SYTL2: variants seen among roughly 807,000 people sequenced by gnomAD.
SYTL2 encodes the protein synaptotagmin like 2.
In SYTL2, 165 loss-of-function variants were observed where a neutral mutation model predicts 198.7. That is an observed-to-expected ratio of 0.83 (90% CI 0.73 to 0.94). The LOEUF is 0.94. Among genes scored for constraint, SYTL2 ranks in the 40% least tolerant of loss-of-function variants. The pLI is 0.00. For synonymous variants in SYTL2, 966 were observed against 917.7 expected (o/e 1.05, Z -0.95); for missense variants, 2,835 against 2,582.8 (o/e 1.10, Z -2.12).
the SYTL2 span, among the ~76,000 whole-genome samples, chr11:85,844,003 G>A: frequency 6.6e-6 from 1 of 152,134 alleles, no homozygotes. Flanking sequence ...TGCCTCAGTG[G>A]GTAGTTCCCA....
the SYTL2 span, among the ~76,000 whole-genome samples, chr11:85,843,747 T>C: frequency 6.6e-6 from 1 of 152,206 alleles, no homozygotes; most frequent in Admixed American, 6.5e-5. Context: ...TTAACATTTA[T>C]TGAGAACCTA....
At chr11:85,770,471 C>T (rs962824556) in intron 1 of SYTL2, among the ~76,000 whole-genome samples, 2 of 152,154 alleles carry the variant, frequency 1.3e-5, no homozygotes, top group African/African-American at 4.8e-5. Flanking sequence ...TGCCTTGACT[C>T]GAAAACCTTC....
chr11:85,768,839 T>A (rs1361611972), intron 1 of SYTL2, among the ~76,000 whole-genome samples: 1 of 152,126 alleles, frequency 6.6e-6, no homozygotes, highest in Non-Finnish European at 1.5e-5. Context: ...TTCTCCTAAA[T>A]CTTTCCATCT....
intron 8 of SYTL2, among the ~76,000 whole-genome samples, chr11:85,723,181 A>G (rs1361111394): frequency 6.6e-6 from 1 of 152,206 alleles, no homozygotes; most frequent in Non-Finnish European, 1.5e-5. Flanking sequence ...GACAAGCCCT[A>G]CATTTTACAG....
chr11:85,782,372 C>A (rs2153603581), intron 1 of SYTL2, among the ~76,000 whole-genome samples: 1 of 152,334 alleles, frequency 6.6e-6, no homozygotes, highest in South Asian at 2.1e-4. Context: ...AAACCATTTT[C>A]CCTTCCTAGG....
chr11:85,704,230 G>A (rs1341007820), intron 16 of SYTL2, among the ~76,000 whole-genome samples: 2 of 151,976 alleles, frequency 1.3e-5, no homozygotes, highest in Non-Finnish European at 2.9e-5. Context: ...GAAGCTAATA[G>A]AGCTATATAA....
At chr11:85,777,743 C>T (rs1158741014) in intron 1 of SYTL2, among the ~76,000 whole-genome samples, 1 of 145,374 alleles carries the variant, frequency 6.9e-6, no homozygotes, top group Non-Finnish European at 1.5e-5. Flanking sequence ...AGGCTTCAGA[C>T]ACAAGAAGAG....
Position 85,736,594 on chromosome 11 carries a change from T to C in SYTL2, c.493A>G (p.Ser165Gly). 2 of 1,594,368 alleles carry C rather than the reference T, an allele frequency of 1.3e-6. No homozygotes were observed. Among genetic ancestry groups the C allele is most frequent in the Non-Finnish European group, 8.6e-7 (1 of 1,164,230 alleles). The change falls in exon 6 of 20, where the codon AGC becomes GGC. Residue 165 changes from serine (S) to glycine (G), a missense_variant. Around this residue, in one of 3 missense-constraint regions of SYTL2, gnomAD observed 2,645 missense variants for 2,381.7 expected, o/e 1.11. Transcript: ENST00000359152. ...GAGTGACCTTCTGGCAACTTGGAGCTATTAAACGGATTCTTCCTCTGCTGG... is the reference window on the plus strand; with the variant it reads ...GAGTGACCTTCTGGCAACTTGGAGCCATTAAACGGATTCTTCCTCTGCTGG... Reference protein sequence around the residue: ...PEKQRKNPFNSSKLPEGHSSQ... With the variant: ...PEKQRKNPFNGSKLPEGHSSQ...
rs757969795 is a variant in SYTL2, at chr11:85,726,792, G to A, written c.2566C>T (p.Arg856Ter). Residue 856 changes from arginine (R) to a stop codon, truncating the protein, a stop_gained, in exon 8 of 20, where the codon CGA (arginine) becomes TGA (stop). Coordinates refer to ENST00000359152, the MANE Select transcript of SYTL2 (RefSeq NM_206927.4). LOFTEE classifies it high-confidence loss of function. ...QSEYNQAIPK[R>*]VVLDEDDQAS... ...TGATCATCCTCATCTAAGACCACTCGTTTGGGAATGGCCTGATTATATTCA... is the reference window on the plus strand; with the variant it reads ...TGATCATCCTCATCTAAGACCACTCATTTGGGAATGGCCTGATTATATTCA... The A allele has an allele frequency of 4.4e-5, 67 of 1,536,032 alleles. No homozygotes were observed. The highest frequency in any genetic ancestry group is 1.7e-4 in the Middle Eastern group (1 of 6,016).
Position 85,727,808 on chromosome 11 carries a change from T to G in SYTL2, c.1550A>C (p.Asp517Ala). 2.5e-6 allele frequency: 4 copies of G among 1,605,948 alleles called. No homozygotes were observed. The highest frequency in any genetic ancestry group is 3.4e-6 in the Non-Finnish European group (4 of 1,176,342). ...YATEIKKSTD[D>A]SIFKVLDWFN... ...CCAGTCTAGAACTTTAAATATGGAA[T>G]CATCAGTTGACTTCTTTATCTCAGT... Residue 517 changes from aspartate to alanine, a missense_variant, in exon 8 of 20, where the codon GAT (aspartate) becomes GCT (alanine). This residue lies in a region of SYTL2 where 2,645 missense variants were observed against 2,381.7 expected (regional missense o/e 1.11). Coordinates refer to ENST00000359152, the MANE Select transcript of SYTL2 (RefSeq NM_206927.4).
In SYTL2 at chr11:85,757,931, G is replaced by C. The variant is rs2091959772; in HGVS notation, c.-206C>G. The C allele has an allele frequency of 3.3e-6, 2 of 607,282 alleles. No individual in the cohort carries two copies. The highest frequency in any genetic ancestry group is 2.9e-5 in the Admixed American group (1 of 34,020). 37.6% of individuals were successfully genotyped at this position (607,282 alleles called of 1,614,324 possible). ...GTGCTCTTTCCCATGAGGAAGTCCT[G>C]GTCTGTGGGATAGTGTCGAGAAGAG... On this transcript the variant is annotated 5_prime_UTR_variant, in exon 2 of 20. Transcript: ENST00000359152.
At chr11:85,789,322 GTA>G (rs1376667130) in intron 1 of SYTL2, among the ~76,000 whole-genome samples, 10 of 97,684 alleles carry the variant, frequency 1.0e-4, no homozygotes, top group African/African-American at 1.3e-4. Context: ...ATGTGTGTGT[GTA>G]TGTGTGTGTG....
In SYTL2 at chr11:85,752,917, T is replaced by TAAAAAAAAAAAAAA. The variant is rs1162431708; in HGVS notation, c.102-4508_102-4495dup. ...GTCCTTCAATGACAACTGCCTTCATTAAAAAAAAAAAAAAAAAAAAAAAAA... is the reference window on the plus strand; with the variant it reads ...GTCCTTCAATGACAACTGCCTTCATTAAAAAAAAAAAAAAAAAAAAAAAAAAAAAAAAAAAAAAA... On this transcript the variant is annotated intron_variant, in intron 2 of 19. Coordinates refer to ENST00000359152, the MANE Select transcript of SYTL2 (RefSeq NM_206927.4). Among the ~76,000 whole-genome samples, 10 of 17,720 alleles carry TAAAAAAAAAAAAAA rather than the reference T, an allele frequency of 5.6e-4. 3 individuals carry two copies. Among genetic ancestry groups the TAAAAAAAAAAAAAA allele is most frequent in the Middle Eastern group, 0.11 (2 of 18 alleles). 11.6% of individuals were successfully genotyped at this position (17,720 alleles called of 152,430 possible). A position where few individuals can be genotyped will look rare whatever the true frequency, so the allele number is the denominator to read the frequency against.
At chr11:85,730,295 G>T (rs553968204) in intron 7 of SYTL2, among the ~76,000 whole-genome samples, 3 of 152,222 alleles carry the variant, frequency 2.0e-5, no homozygotes, top group East Asian at 3.9e-4. Context: ...CACAAGAAAA[G>T]AAAATTTCAG....
intron 9 of SYTL2, 24 bp downstream of exon 9, chr11:85,720,834 C>G (rs2088188719): frequency 1.3e-6 from 2 of 1,538,542 alleles, no homozygotes; most frequent in Non-Finnish European, 1.8e-6. Flanking sequence ...GGGGCATGAA[C>G]AGTGAGGCGA....
chr11:85,777,780 G>A (rs2092477762), intron 1 of SYTL2, among the ~76,000 whole-genome samples: 1 of 143,654 alleles, frequency 7.0e-6, no homozygotes. Flanking sequence ...GGAATCCTAA[G>A]GTTTCACTTA....
At chr11:85,759,118 C>T (rs972191943) in intron 1 of SYTL2, among the ~76,000 whole-genome samples, 1 of 151,692 alleles carries the variant, frequency 6.6e-6, no homozygotes, top group Non-Finnish European at 1.5e-5. Flanking sequence ...TGGTGACACA[C>T]GCCTGTAATC....
At chr11:85,832,887 T>C in the SYTL2 span, among the ~76,000 whole-genome samples, 2 of 150,988 alleles carry the variant, frequency 1.3e-5, no homozygotes, top group African/African-American at 2.4e-5. Flanking sequence ...TCCCAGCTAC[T>C]TGAGAGGCTG....
the SYTL2 span, among the ~76,000 whole-genome samples, chr11:85,818,617 T>C: frequency 6.6e-6 from 1 of 152,090 alleles, no homozygotes; most frequent in African/African-American, 2.4e-5. Flanking sequence ...CACTTGCCTA[T>C]AGTAAAAATG....
Sources: gnomAD v4.1 joint callset for allele counts (sites outside exome capture counted in the v4.1 genomes callset) on GRCh38, gnomAD v4.1.1 for gene constraint, gnomAD v4.1.1 regional missense constraint, MANE v1.5 for transcripts, NCBI Gene and HGNC (gene_info 2026-07-23, HGNC 2026-07-21) for gene names.